GPHN: variants seen among roughly 807,000 people sequenced by gnomAD.
GPHN encodes the protein gephyrin.
Under a neutral mutation model 95.5 loss-of-function variants are expected in GPHN, and 17 were observed. That is an observed-to-expected ratio of 0.18 (90% CI 0.12 to 0.27). GPHN has a LOEUF of 0.27. GPHN is among the 10% of genes least tolerant of loss of function. The probability of loss-of-function intolerance (pLI) is 1.00; values close to 1 mark genes in which losing one functional copy is unlikely to be tolerated. For synonymous variants in GPHN, 320 were observed against 322.5 expected (o/e 0.99, Z 0.08); for missense variants, 660 against 978.1 (o/e 0.67, Z 4.34).
chr14:67,250,911 A>C, the GPHN span, among the ~76,000 whole-genome samples: 1 of 152,332 alleles, frequency 6.6e-6, no homozygotes, highest in East Asian at 1.9e-4. Flanking sequence ...CCAGAATTGT[A>C]TCCCTCGCTG....
the GPHN span, among the ~76,000 whole-genome samples, chr14:67,627,896 CTTGT>C: frequency 1.3e-5 from 2 of 152,182 alleles, no homozygotes; most frequent in Non-Finnish European, 2.9e-5. Context: ...TTGGAATGAG[CTTGT>C]TTGTTTAAGG....
At chr14:66,855,974 A>C (rs1314489397) in intron 4 of GPHN, among the ~76,000 whole-genome samples, 1 of 152,176 alleles carries the variant, frequency 6.6e-6, no homozygotes, top group African/African-American at 2.4e-5. Context: ...TTCACAATAT[A>C]ACCACATACA....
chr14:67,447,725 A>C, the GPHN span: 3 of 152,272 alleles, frequency 2.0e-5, no homozygotes, highest in East Asian at 1.9e-4. Flanking sequence ...CCTTTTCACC[A>C]ATCTTGGTCT....
intron 1 of GPHN, among the ~76,000 whole-genome samples, chr14:66,611,225 G>A (rs1165145197): frequency 3.3e-5 from 5 of 151,920 alleles, no homozygotes; most frequent in East Asian, 1.9e-4. Flanking sequence ...CTTTTTGTTC[G>A]TTAGAAGTTA....
intron 1 of GPHN, among the ~76,000 whole-genome samples, chr14:66,549,082 A>G (rs2059717224): frequency 1.3e-5 from 2 of 152,248 alleles, no homozygotes. Flanking sequence ...GTGTTAATTT[A>G]TATATAAATA....
At chr14:67,661,231 G>C in the GPHN span, among the ~76,000 whole-genome samples, 1 of 126,514 alleles carries the variant, frequency 7.9e-6, no homozygotes, top group Admixed American at 9.3e-5. Context: ...TGAAGCTAGA[G>C]TATGATGAGA....
the GPHN span, among the ~76,000 whole-genome samples, chr14:67,459,919 CA>C: frequency 6.6e-6 from 1 of 152,154 alleles, no homozygotes; most frequent in African/African-American, 2.4e-5. Flanking sequence ...TAGAACAGTG[CA>C]AAACTGCAAA....
intron 1 of GPHN, among the ~76,000 whole-genome samples, chr14:66,578,006 TCTC>T (rs1233572296): frequency 6.6e-6 from 1 of 151,878 alleles, no homozygotes; most frequent in Non-Finnish European, 1.5e-5. Flanking sequence ...CTGACTCATT[TCTC>T]CTCAAATTAT....
the GPHN span, among the ~76,000 whole-genome samples, chr14:67,612,048 G>A: frequency 6.6e-6 from 1 of 152,278 alleles, no homozygotes; most frequent in Non-Finnish European, 1.5e-5. Context: ...CACACTCCTA[G>A]GACAATCTAA....
intron 1 of GPHN, among the ~76,000 whole-genome samples, chr14:66,674,965 C>T (rs2066501419): frequency 1.3e-5 from 2 of 152,108 alleles, no homozygotes; most frequent in African/African-American, 2.4e-5. Context: ...TTCTCTTCGT[C>T]GTCACCAGCA....
At chr14:66,682,905 T>A (rs550829395) in intron 2 of GPHN, among the ~76,000 whole-genome samples, 1 of 152,272 alleles carries the variant, frequency 6.6e-6, no homozygotes, top group Non-Finnish European at 1.5e-5. Context: ...TGGATTATAA[T>A]AATCAATTGC....
the GPHN span, chr14:67,390,627 A>G: frequency 6.9e-7 from 1 of 1,445,198 alleles, no homozygotes. Flanking sequence ...GGGCATCACA[A>G]CATGGGACCA....
chr14:67,402,247 G>A, the GPHN span, among the ~76,000 whole-genome samples: 2 of 152,170 alleles, frequency 1.3e-5, no homozygotes, highest in African/African-American at 2.4e-5. Context: ...TTCCATGCAT[G>A]GGGCATTGAT....
intron 2 of GPHN, among the ~76,000 whole-genome samples, chr14:66,748,127 C>G (rs2058228380): frequency 6.6e-6 from 1 of 151,888 alleles, no homozygotes; most frequent in South Asian, 2.1e-4. Context: ...ACTGATTTAA[C>G]AATAGTTTAC....
intron 2 of GPHN, among the ~76,000 whole-genome samples, chr14:66,764,156 C>T (rs1225448595): frequency 6.6e-6 from 1 of 152,152 alleles, no homozygotes; most frequent in Non-Finnish European, 1.5e-5. Flanking sequence ...ATGCCCCCAA[C>T]CCCCCAATCC....
intron 21 of GPHN, among the ~76,000 whole-genome samples, chr14:67,173,150 A>C (rs2082697423): frequency 6.6e-6 from 1 of 152,064 alleles, no homozygotes; most frequent in South Asian, 2.1e-4. Context: ...GGAAAAAAAC[A>C]AGCACCCCAA....
At chr14:66,750,026 A>G (rs971215897) in intron 2 of GPHN, among the ~76,000 whole-genome samples, 7 of 151,820 alleles carry the variant, frequency 4.6e-5, no homozygotes, top group Admixed American at 4.6e-4. Context: ...TTATTTTTAT[A>G]TGTACAATAA....
In GPHN at chr14:66,588,557, G is replaced by A. The variant is rs532131060; in HGVS notation, c.64+79966G>A. ...AGAAGAACATAAGTGACCTTATGGA[G>A]CTGAAAAACAGCACAACAACTTTGT... is the stretch of plus-strand genomic sequence containing the variant. On this transcript the variant is annotated intron_variant, in intron 1 of 22. Transcript: ENST00000478722. 1.3e-4 allele frequency among the ~76,000 whole-genome samples: 20 copies of A among 152,138 alleles called. No homozygotes were observed. In the East Asian group the frequency reaches 2.3e-3, roughly 18 times the overall value.
At chr14:67,352,726 A>G in the GPHN span, 1 of 483,002 alleles carries the variant, frequency 2.1e-6, no homozygotes. Flanking sequence ...GATCAAGTGG[A>G]GCTTTGCAGG....
Sources: allele counts gnomAD v4.1 joint callset (sites outside exome capture counted in the v4.1 genomes callset), GRCh38; gene constraint gnomAD v4.1.1; transcripts MANE v1.5; gene names NCBI Gene and HGNC (gene_info 2026-07-23, HGNC 2026-07-21).